Variants in PTGIS observed in about 807,000 individuals in gnomAD.
The protein encoded by PTGIS is prostacyclin synthase.
A neutral mutation model predicts 50.3 loss-of-function variants in PTGIS; 45 were observed. That is an observed-to-expected ratio of 0.90 (90% CI 0.70 to 1.15). PTGIS has a LOEUF of 1.15. Among genes scored for constraint, PTGIS ranks in the 50% most tolerant of loss-of-function variants. The pLI, the probability that PTGIS is intolerant of heterozygous loss-of-function variation, is 0.00. For missense variants in PTGIS, 668 were observed against 661.3 expected (o/e 1.01, Z -0.11); for synonymous variants, 260 against 267.7 (o/e 0.97, Z 0.28).
chr20:49,510,895 T>C (rs967961974), intron 9 of PTGIS, 133 bp downstream of exon 9: 34 of 784,342 alleles, frequency 4.3e-5, no homozygotes, highest in Non-Finnish European at 6.5e-5. Flanking sequence ...AAATAAGAGA[T>C]GGCTCACGGG....
intron 1 of PTGIS, among the ~76,000 whole-genome samples, chr20:49,551,206 CA>C (rs959070048): frequency 2.0e-5 from 3 of 151,710 alleles, no homozygotes; most frequent in African/African-American, 7.3e-5. Flanking sequence ...GACTCCGTCT[CA>C]AAAAAAATAA....
intron 5 of PTGIS, among the ~76,000 whole-genome samples, chr20:49,525,407 C>T (rs545907804): frequency 9.2e-5 from 14 of 152,284 alleles, no homozygotes; most frequent in East Asian, 5.8e-4. Context: ...AGATCACTAG[C>T]GTGCATCACC....
chr20:49,524,156 T>C lies in PTGIS; in HGVS notation c.757A>G (p.Ser253Gly). ...PARLARRAHR[S>G]KWLESYLLHL... ...AGCAGGTAACTCTCCAGCCATTTGC[T>C]CCGGTGGGCCCGCCTGGCCAGCCTG... The change falls in exon 6 of 10, where the codon AGC becomes GGC. Residue 253 changes from serine (S) to glycine (G), a missense_variant. Ser to Gly is a moderately conservative substitution (Grantham distance 56, BLOSUM62 0). Transcript: ENST00000244043. The C allele has an allele frequency of 1.2e-6, 2 of 1,614,192 alleles. No individual in the cohort carries two copies. Among genetic ancestry groups the C allele is most frequent in the Non-Finnish European group, 1.7e-6 (2 of 1,180,034 alleles).
chr20:49,523,822 C>T (rs548908318), intron 6 of PTGIS, among the ~76,000 whole-genome samples: 2 of 152,190 alleles, frequency 1.3e-5, no homozygotes, highest in African/African-American at 2.4e-5. Context: ...TGTTTCTGTT[C>T]GTGATGCTAT....
chr20:49,552,425 CAGA>C (rs1982532083), intron 1 of PTGIS, among the ~76,000 whole-genome samples: 1 of 152,172 alleles, frequency 6.6e-6, no homozygotes, highest in East Asian at 1.9e-4. Flanking sequence ...TAAAATCCTA[CAGA>C]AGATTTCTAT....
At chr20:49,512,142 A>G (rs1194833468) in intron 8 of PTGIS, among the ~76,000 whole-genome samples, 1 of 144,482 alleles carries the variant, frequency 6.9e-6, no homozygotes, top group Non-Finnish European at 1.5e-5. Context: ...GGTGGATGAA[A>G]GAGTAGCTTC....
chr20:49,508,024 TC>T lies in PTGIS; in HGVS notation c.1398del (p.Ile467SerfsTer19). ...FLVLVHLDLE[L>X]INADVEIPEF... ...TCAGGGATCTCCACATCTGCGTTGATCAGCTCCAAGTCCAAGTGCACCAGCA... is the reference window on the plus strand; with the variant it reads ...TCAGGGATCTCCACATCTGCGTTGATAGCTCCAAGTCCAAGTGCACCAGCA... On this transcript the variant is annotated frameshift_variant, in exon 10 of 10. Coordinates refer to ENST00000244043, the MANE Select transcript of PTGIS (RefSeq NM_000961.4). LOFTEE classifies it high-confidence loss of function. 1 of 1,613,916 alleles carries T rather than the reference TC, an allele frequency of 6.2e-7. No individual in the cohort carries two copies. The highest frequency in any genetic ancestry group is 8.5e-7 in the Non-Finnish European group (1 of 1,180,002).
intron 1 of PTGIS, among the ~76,000 whole-genome samples, chr20:49,561,179 T>C (rs1982764439): frequency 6.6e-6 from 1 of 152,092 alleles, no homozygotes; most frequent in Admixed American, 6.6e-5. Flanking sequence ...TCTGCCCCTG[T>C]CTCCTGCTCC....
intron 1 of PTGIS, among the ~76,000 whole-genome samples, chr20:49,562,574 C>G (rs1433013993): frequency 2.0e-5 from 3 of 152,342 alleles, no homozygotes; most frequent in African/African-American, 7.2e-5. Context: ...CACGGACACT[C>G]TCACTTTTTT....
intron 5 of PTGIS, among the ~76,000 whole-genome samples, chr20:49,529,734 G>T (rs11697964): frequency 0.076 from 11,496 of 152,160 alleles, 509 homozygotes; most frequent in Non-Finnish European, 0.099. Flanking sequence ...CAGTTATCAC[G>T]TCAACTGTCA....
chr20:49,510,762 T>G (rs886684290), intron 9 of PTGIS, among the ~76,000 whole-genome samples: 1 of 152,210 alleles, frequency 6.6e-6, no homozygotes, highest in African/African-American at 2.4e-5. Context: ...GTATTTGGAA[T>G]CTGGACACCA....
chr20:49,562,834 G>A (rs1349253860), intron 1 of PTGIS, among the ~76,000 whole-genome samples: 2 of 152,200 alleles, frequency 1.3e-5, no homozygotes, highest in African/African-American at 4.8e-5. Context: ...AGTCAAGGAT[G>A]GGATGTCACC....
chr20:49,560,489 C>T (rs189795887), intron 1 of PTGIS, among the ~76,000 whole-genome samples: 2 of 152,310 alleles, frequency 1.3e-5, no homozygotes, highest in Admixed American at 1.3e-4. Flanking sequence ...AGGCATGAGC[C>T]ACTATGCCCA....
chr20:49,538,350 G>T (rs1601193390), intron 5 of PTGIS, among the ~76,000 whole-genome samples: 1 of 149,832 alleles, frequency 6.7e-6, no homozygotes, highest in African/African-American at 2.5e-5. Flanking sequence ...GATCGCTTGA[G>T]CCCAGGAGTT....
chr20:49,518,777 T>TCTCAATA (rs1981566115), intron 6 of PTGIS, among the ~76,000 whole-genome samples: 1 of 151,972 alleles, frequency 6.6e-6, no homozygotes, highest in South Asian at 2.1e-4. Context: ...TCCACCCGAG[T>TCTCAATA]CTGTCTGACT....
In PTGIS at chr20:49,533,853, C is replaced by CG. The variant is rs1487251898; in HGVS notation, c.673+5716dup. Among the ~76,000 whole-genome samples the CG allele has an allele frequency of 3.3e-5, 5 of 152,088 alleles. No homozygotes were observed. In the East Asian group the frequency reaches 9.7e-4, roughly 29 times the overall value. ...GTACGTGCCTGTAATCCCAGCTACTCGGGGGGCTGAGGCAGGAGAATTGCT... is the reference window on the plus strand; with the variant it reads ...GTACGTGCCTGTAATCCCAGCTACTCGGGGGGGCTGAGGCAGGAGAATTGCT... On this transcript the variant is annotated intron_variant, in intron 5 of 9. Transcript: ENST00000244043.
At chr20:49,542,677 A>G (rs539471718) in intron 4 of PTGIS, among the ~76,000 whole-genome samples, 1 of 152,186 alleles carries the variant, frequency 6.6e-6, no homozygotes. Flanking sequence ...CATACAATGC[A>G]GGGTGGACCA....
chr20:49,531,369 G>A (rs543212772), intron 5 of PTGIS, among the ~76,000 whole-genome samples: 14 of 152,266 alleles, frequency 9.2e-5, no homozygotes, highest in Middle Eastern at 3.4e-3. Context: ...GTTAAAGGGG[G>A]AGTCTGCATA....
intron 2 of PTGIS, 63 bp from the exon 3 acceptor site, chr20:49,548,082 G>T: frequency 3.3e-6 from 5 of 1,499,178 alleles, no homozygotes; most frequent in South Asian, 1.1e-5. Context: ...GCTCTCAGTG[G>T]TCAGGGCCTT....
Sources: gnomAD v4.1 joint callset for allele counts (sites outside exome capture counted in the v4.1 genomes callset) on GRCh38, gnomAD v4.1.1 for gene constraint, MANE v1.5 for transcripts, NCBI Gene and HGNC (gene_info 2026-07-23, HGNC 2026-07-21) for gene names.